Variants in ROBO2 observed in about 807,000 individuals in gnomAD.
ROBO2 encodes roundabout guidance receptor 2.
A neutral mutation model predicts 160.8 loss-of-function variants in ROBO2; 53 were observed. The observed-to-expected ratio is 0.33, with a 90% confidence interval of 0.26 to 0.41. ROBO2 has a LOEUF of 0.41. ROBO2 is among the 10% of genes least tolerant of loss of function. The pLI is 1.00. For missense variants in ROBO2, 1,577 were observed against 1,722.4 expected, an observed-to-expected ratio of 0.92 and a Z score of 1.49; for synonymous variants, 664 against 611.7, an observed-to-expected ratio of 1.09 and a Z score of -1.26.
chr3:76,452,541 A>G (rs897424055), intron 2 of ROBO2, among the ~76,000 whole-genome samples: 18 of 152,120 alleles, frequency 1.2e-4, no homozygotes, highest in Admixed American at 3.9e-4. Context: ...TCCATGGTGT[A>G]TATGTGCCAC....
rs2076993964 is a variant in ROBO2, at chr3:76,926,404, AGTT to A, written c.110-171609_110-171607del. 3.3e-5 allele frequency among the ~76,000 whole-genome samples: 5 copies of A among 152,314 alleles called. No homozygotes were observed. In the South Asian group the frequency reaches 1.0e-3, roughly 32 times the overall value. ...CACTGGAAGGAAGGTGCCATACTTG[AGTT>A]ATCAGTGAATCCCTTTAGGTTCTTT... On this transcript the variant is annotated intron_variant, in intron 2 of 26. Coordinates refer to the ROBO2 transcript ENST00000487694.
intron 2 of ROBO2, among the ~76,000 whole-genome samples, chr3:77,414,731 G>A (rs771129042): frequency 6.6e-6 from 1 of 152,140 alleles, no homozygotes; most frequent in Non-Finnish European, 1.5e-5. Context: ...AGTCCATGAT[G>A]CATTCATTAT....
intron 12 of ROBO2, among the ~76,000 whole-genome samples, chr3:77,567,038 A>G (rs983740133): frequency 2.6e-5 from 4 of 151,946 alleles, no homozygotes; most frequent in Admixed American, 2.6e-4. Context: ...ACATAAAGGG[A>G]CTTTTTTCAA....
intron 2 of ROBO2, among the ~76,000 whole-genome samples, chr3:76,854,052 CTCTCTCTCTCTCTCTT>C (rs1238944035): frequency 9.6e-4 from 87 of 90,344 alleles, no homozygotes; most frequent in South Asian, 1.5e-3. Flanking sequence ...CTCTCTCTCT[CTCTCTCTCTCTCTCTT>C]TCTCTGTCTG....
At chr3:76,489,225 G>A (rs915770426) in intron 2 of ROBO2, among the ~76,000 whole-genome samples, 1 of 148,084 alleles carries the variant, frequency 6.8e-6, no homozygotes, top group African/African-American at 2.5e-5. Flanking sequence ...ATGAAAAAAT[G>A]TTTGTAATGG....
At chr3:77,433,640 T>C (rs943646806) in intron 2 of ROBO2, among the ~76,000 whole-genome samples, 4 of 151,586 alleles carry the variant, frequency 2.6e-5, no homozygotes, top group Non-Finnish European at 5.9e-5. Flanking sequence ...TTCAAGTGCC[T>C]TCCCTAAACA....
At chr3:77,266,916 T>C (rs918082984) in intron 2 of ROBO2, among the ~76,000 whole-genome samples, 3 of 152,116 alleles carry the variant, frequency 2.0e-5, no homozygotes, top group South Asian at 4.1e-4. Context: ...AAACAAAAAA[T>C]GTTGATTTTT....
rs57838247 is a variant in ROBO2 at position 76,465,998 on chromosome 3, G to GGTGTGTGTGTGT, written c.109+528417_109+528428dup. The stretch of plus-strand genomic sequence containing the variant: ...GTTAAAATATCCTGGATAAAATATG[G>GGTGTGTGTGTGT]GTGTGTGTGTGTGTGTGTGTGTGTG... On this transcript the variant is annotated intron_variant, in intron 2 of 26. Coordinates refer to the ROBO2 transcript ENST00000487694. Among the ~76,000 whole-genome samples the GGTGTGTGTGTGT allele has an allele frequency of 9.2e-3, 1,353 of 147,650 alleles. 14 individuals are homozygous for GGTGTGTGTGTGT. The highest frequency in any genetic ancestry group is 0.026 in the East Asian group (130 of 4,968).
chr3:76,283,644 G>C (rs1037257034), intron 2 of ROBO2, among the ~76,000 whole-genome samples: 1 of 151,878 alleles, frequency 6.6e-6, no homozygotes, highest in African/African-American at 2.4e-5. Context: ...ATAAGGAGAG[G>C]CAGCATTATG....
intron 2 of ROBO2, among the ~76,000 whole-genome samples, chr3:76,810,480 A>C (rs2065075973): frequency 6.6e-6 from 1 of 152,184 alleles, no homozygotes; most frequent in African/African-American, 2.4e-5. Flanking sequence ...GGTGCACTTG[A>C]GGAAAAAATT....
At chr3:76,070,241 G>A (rs1270829696) in intron 2 of ROBO2, among the ~76,000 whole-genome samples, 1 of 152,180 alleles carries the variant, frequency 6.6e-6, no homozygotes, top group Non-Finnish European at 1.5e-5. Flanking sequence ...TCTTTCAAAA[G>A]CAAATGGGAG....
At chr3:76,378,085 C>T (rs181795537) in intron 2 of ROBO2, among the ~76,000 whole-genome samples, 4 of 152,046 alleles carry the variant, frequency 2.6e-5, no homozygotes, top group African/African-American at 9.7e-5. Flanking sequence ...ATATGAGATG[C>T]CTTCTAGGTG....
chr3:77,104,508 C>T (rs1051232797), intron 2 of ROBO2, among the ~76,000 whole-genome samples: 145 of 152,070 alleles, frequency 9.5e-4, no homozygotes, highest in Non-Finnish European at 1.1e-3. Flanking sequence ...TTTTTTTCTG[C>T]TATGAACAAT....
chr3:76,452,212 A>G (rs948884107), intron 2 of ROBO2, among the ~76,000 whole-genome samples: 3 of 152,158 alleles, frequency 2.0e-5, no homozygotes, highest in African/African-American at 7.2e-5. Flanking sequence ...GTTTTAGGGT[A>G]CATGTGCACA....
chr3:76,002,638 T>C (rs1350310378), intron 2 of ROBO2, among the ~76,000 whole-genome samples: 1 of 152,190 alleles, frequency 6.6e-6, no homozygotes, highest in Admixed American at 6.5e-5. Flanking sequence ...TCCCAGCACG[T>C]GGAACTGTGA....
chr3:76,567,941 T>G (rs760957335), intron 2 of ROBO2, among the ~76,000 whole-genome samples: 115 of 149,600 alleles, frequency 7.7e-4, no homozygotes, highest in Non-Finnish European at 1.3e-3. Flanking sequence ...CAGCCTTCTG[T>G]GTAGCTGGGA....
At chr3:76,277,977 C>T (rs1316885259) in intron 2 of ROBO2, among the ~76,000 whole-genome samples, 1 of 151,036 alleles carries the variant, frequency 6.6e-6, no homozygotes, top group Non-Finnish European at 1.5e-5. Context: ...ACACAGTAGC[C>T]TGGTTTTGTG....
intron 2 of ROBO2, among the ~76,000 whole-genome samples, chr3:77,378,528 C>T (rs1485474591): frequency 6.6e-6 from 1 of 152,182 alleles, no homozygotes; most frequent in Non-Finnish European, 1.5e-5. Context: ...TCAGAGGAAA[C>T]TCTAGTTCCA....
intron 2 of ROBO2, among the ~76,000 whole-genome samples, chr3:76,126,728 A>C (rs1208057217): frequency 6.6e-6 from 1 of 152,184 alleles, no homozygotes; most frequent in African/African-American, 2.4e-5. Context: ...GAGGGAATAC[A>C]GTATCATGTT....
Sources: gnomAD v4.1 joint callset for allele counts (sites outside exome capture counted in the v4.1 genomes callset) on GRCh38, gnomAD v4.1.1 for gene constraint, MANE v1.5 for transcripts, NCBI Gene and HGNC (gene_info 2026-07-23, HGNC 2026-07-21) for gene names.